GALNT13: variants seen among roughly 807,000 people sequenced by gnomAD.
GALNT13 encodes the protein UDP-GalNAc:polypeptide N-acetylgalactosaminyltransferase 13.
Under a neutral mutation model 64.2 loss-of-function variants are expected in GALNT13, and 28 were observed. That is an observed-to-expected ratio of 0.44 (90% confidence interval 0.32 to 0.60). GALNT13 has a LOEUF of 0.60. Ranked by LOEUF, GALNT13 falls within the 20% of genes least tolerant of loss-of-function variation. The probability of loss-of-function intolerance (pLI) is 0.05; values close to 1 mark genes in which losing one functional copy is unlikely to be tolerated. For synonymous variants in GALNT13, 214 were observed against 224.6 expected (o/e 0.95, Z 0.42); for missense variants, 577 against 669.8 (o/e 0.86, Z 1.53).
At chr2:153,464,253 A>G in the GALNT13 span, among the ~76,000 whole-genome samples, 8 of 152,086 alleles carry the variant, frequency 5.3e-5, no homozygotes, top group Non-Finnish European at 1.0e-4. Context: ...CCCGTTTTGT[A>G]TGTTAGCCAT....
At chr2:153,910,227 G>C (rs1688847566) in intron 2 of GALNT13, among the ~76,000 whole-genome samples, 1 of 152,096 alleles carries the variant, frequency 6.6e-6, no homozygotes, top group Non-Finnish European at 1.5e-5. Context: ...TGTGTGAATA[G>C]AGGTATTCGT....
intron 4 of GALNT13, among the ~76,000 whole-genome samples, chr2:154,182,603 A>G (rs1573825746): frequency 6.7e-6 from 1 of 149,716 alleles, no homozygotes; most frequent in Non-Finnish European, 1.5e-5. Context: ...TTTTATAAGA[A>G]ATTAAAGCAG....
At chr2:153,658,783 C>CTT in the GALNT13 span, among the ~76,000 whole-genome samples, 57 of 149,432 alleles carry the variant, frequency 3.8e-4, no homozygotes, top group Middle Eastern at 3.4e-3. Context: ...ACTTTGCTTG[C>CTT]TTTTTTTTTT....
chr2:154,276,728 TC>T (rs1483386932), intron 8 of GALNT13, among the ~76,000 whole-genome samples: 1 of 152,188 alleles, frequency 6.6e-6, no homozygotes, highest in Non-Finnish European at 1.5e-5. Flanking sequence ...GTTCCCATAA[TC>T]CCCTCATGTT....
At chr2:153,097,171 C>A in the GALNT13 span, among the ~76,000 whole-genome samples, 3 of 152,114 alleles carry the variant, frequency 2.0e-5, no homozygotes, top group African/African-American at 7.2e-5. Context: ...TTAATTTTGT[C>A]CCCCGCTTTG....
At chr2:154,264,051 G>C (rs1371660267) in intron 8 of GALNT13, among the ~76,000 whole-genome samples, 1 of 152,160 alleles carries the variant, frequency 6.6e-6, no homozygotes, top group African/African-American at 2.4e-5. Flanking sequence ...TGTTTGGGGA[G>C]ACCAAGCCCG....
At chr2:153,237,402 TCAC>T in the GALNT13 span, among the ~76,000 whole-genome samples, 2 of 152,044 alleles carry the variant, frequency 1.3e-5, no homozygotes, top group African/African-American at 4.8e-5. Context: ...TTGCCTGTAA[TCAC>T]CTATTATGCT....
At chr2:154,415,793 A>G (rs1699983246) in intron 11 of GALNT13, among the ~76,000 whole-genome samples, 1 of 152,134 alleles carries the variant, frequency 6.6e-6, no homozygotes, top group Non-Finnish European at 1.5e-5. Context: ...CATTCAACAG[A>G]TATATATTCA....
At chr2:153,732,830 G>A in the GALNT13 span, among the ~76,000 whole-genome samples, 1 of 152,038 alleles carries the variant, frequency 6.6e-6, no homozygotes, top group Non-Finnish European at 1.5e-5. Flanking sequence ...CGTAGAGATA[G>A]GTATGTGATC....
chr2:153,613,461 A>G, the GALNT13 span, among the ~76,000 whole-genome samples: 1 of 152,152 alleles, frequency 6.6e-6, no homozygotes, highest in African/African-American at 2.4e-5. Flanking sequence ...CTATCTATAT[A>G]ACTCAATTGT....
the GALNT13 span, among the ~76,000 whole-genome samples, chr2:153,190,907 T>C: frequency 1.6e-4 from 24 of 152,226 alleles, no homozygotes; most frequent in East Asian, 7.7e-4. Flanking sequence ...ATGCTACTGA[T>C]TTTTGTATGT....
chr2:153,306,273 C>T, the GALNT13 span, among the ~76,000 whole-genome samples: 37 of 152,226 alleles, frequency 2.4e-4, no homozygotes, highest in Non-Finnish European at 2.4e-4. Context: ...TAATTGCTGT[C>T]ATGAGCAGCT....
chr2:153,779,417 A>G, the GALNT13 span, among the ~76,000 whole-genome samples: 3 of 152,164 alleles, frequency 2.0e-5, no homozygotes, highest in Admixed American at 6.5e-5. Flanking sequence ...CAGGCACCTC[A>G]TTTTACAATG....
At chr2:153,653,282 C>T in the GALNT13 span, among the ~76,000 whole-genome samples, 1 of 152,230 alleles carries the variant, frequency 6.6e-6, no homozygotes, top group Non-Finnish European at 1.5e-5. Flanking sequence ...AAAGCTTCAG[C>T]TAATCCACTA....
chr2:153,767,354 G>T, the GALNT13 span, among the ~76,000 whole-genome samples: 1 of 152,056 alleles, frequency 6.6e-6, no homozygotes, highest in Non-Finnish European at 1.5e-5. Flanking sequence ...ATCAATCTTT[G>T]ATGGACACTT....
At chr2:154,110,336 TAG>T (rs1190684961) in intron 3 of GALNT13, among the ~76,000 whole-genome samples, 149 of 9,922 alleles carry the variant, frequency 0.015, 2 homozygotes, top group African/African-American at 0.02. Context: ...TATATATATA[TAG>T]AGAGAGAGAG....
the GALNT13 span, among the ~76,000 whole-genome samples, chr2:153,459,402 G>T: frequency 1.4e-4 from 21 of 152,008 alleles, no homozygotes; most frequent in Non-Finnish European, 2.5e-4. Context: ...GATCCACTGA[G>T]CCCAGGAGTT....
the GALNT13 span, among the ~76,000 whole-genome samples, chr2:153,316,337 T>A: frequency 2.2e-4 from 34 of 152,094 alleles, no homozygotes; most frequent in African/African-American, 8.0e-4. Context: ...ATAATTTTTT[T>A]AAACGTCTAA....
At chr2:153,990,741 G>T (rs531822294) in intron 3 of GALNT13, among the ~76,000 whole-genome samples, 32 of 152,242 alleles carry the variant, frequency 2.1e-4, no homozygotes, top group South Asian at 6.2e-4. Context: ...ATAGTTTAAT[G>T]TGCACTTTCC....
Sources: gnomAD v4.1 joint callset for allele counts (sites outside exome capture counted in the v4.1 genomes callset) on GRCh38, gnomAD v4.1.1 for gene constraint, MANE v1.5 for transcripts, NCBI Gene and HGNC (gene_info 2026-07-23, HGNC 2026-07-21) for gene names.